Variants in ATG4B observed in about 807,000 individuals in gnomAD.
ATG4B encodes autophagy related 4B cysteine peptidase.
In ATG4B, 29 loss-of-function variants were observed where a neutral mutation model predicts 56.6. The observed-to-expected ratio is 0.51, with a 90% CI of 0.38 to 0.70. ATG4B has a LOEUF of 0.70. Ranked by LOEUF, ATG4B falls within the 30% of genes least tolerant of loss-of-function variation. ATG4B has a pLI of 0.00. For missense variants in ATG4B, 461 were observed against 515.5 expected, an observed-to-expected ratio of 0.89 and a Z score of 1.02; for synonymous variants, 224 against 206.1, an observed-to-expected ratio of 1.09 and a Z score of -0.74.
chr2:241,670,864 C>A, intron 11 of ATG4B, 82 bp downstream of exon 11: 1 of 1,402,840 alleles, frequency 7.1e-7, no homozygotes, highest in Non-Finnish European at 9.9e-7. Flanking sequence ...CGAAGGCCTG[C>A]GTCCAGGTCT....
In ATG4B at chr2:241,659,097, ACT is replaced by A. The variant is rs774369190; in HGVS notation, c.459-6_459-5del. 5 of 1,591,842 alleles carry A rather than the reference ACT, an allele frequency of 3.1e-6. No homozygotes were observed. In the Admixed American group the frequency reaches 5.1e-5, roughly 16 times the overall value. ...TACAAAAGCTTATGGTCATTCTCCT[ACT>A]CTCTGTAGGAAGCTTGCTGTCTTCG... is the stretch of plus-strand genomic sequence containing the variant. On this transcript the variant is annotated splice_polypyrimidine_tract_variant and intron_variant, in intron 6 of 12. Coordinates refer to ENST00000404914, the MANE Select transcript of ATG4B (RefSeq NM_013325.5).
intron 10 of ATG4B, among the ~76,000 whole-genome samples, chr2:241,669,722 T>C (rs963635003): frequency 3.3e-5 from 5 of 152,192 alleles, no homozygotes; most frequent in African/African-American, 1.2e-4. Context: ...TTAGCCAGGA[T>C]GGTCTTGATC....
chr2:241,656,140 C>CA (rs2068395013), intron 6 of ATG4B, among the ~76,000 whole-genome samples: 1 of 152,164 alleles, frequency 6.6e-6, no homozygotes, highest in African/African-American at 2.4e-5. Flanking sequence ...GTATCCCACT[C>CA]AAGGCCCTCA....
rs141748302 is a variant in ATG4B at position 241,643,929 on chromosome 2, A to C, written c.10+6205A>C. ...AGCTACATGAATTACCTTATAAATC[A>C]CATGATGTGGCACGGGAAGATGATG... On this transcript the variant is annotated intron_variant, in intron 1 of 12. Coordinates refer to ENST00000404914, the MANE Select transcript of ATG4B (RefSeq NM_013325.5). 2.2e-4 allele frequency among the ~76,000 whole-genome samples: 34 copies of C among 152,306 alleles called. No individual in the cohort carries two copies. In the East Asian group the frequency reaches 6.0e-3, roughly 27 times the overall value.
Position 241,668,356 on chromosome 2 carries a change from C to A in ATG4B, c.811+135C>A. ...GCATGCCCTGGGGTTCATTTTCAGC[C>A]TGGTCGCGGGCGGCCTCCTGTGTGC... On this transcript the variant is annotated intron_variant, in intron 9 of 12. Coordinates refer to ENST00000404914, the MANE Select transcript of ATG4B (RefSeq NM_013325.5). The surrounding 1 kb of genome is among the most constrained non-coding windows in gnomAD (Gnocchi z 4.2). 1 of 1,379,658 alleles carries A rather than the reference C, an allele frequency of 7.2e-7. No homozygotes were observed. Among genetic ancestry groups the A allele is most frequent in the Non-Finnish European group, 1.0e-6 (1 of 996,194 alleles). The allele number at this position is 1,379,658 out of a possible 1,614,324, so 85.5% of individuals were successfully genotyped here.
chr2:241,646,843 C>T (rs1332544640), intron 1 of ATG4B, among the ~76,000 whole-genome samples: 2 of 148,532 alleles, frequency 1.3e-5, no homozygotes, highest in African/African-American at 2.5e-5. Context: ...AATGCAGTGG[C>T]GCGATCTCAG....
intron 6 of ATG4B, 199 bp downstream of exon 6, chr2:241,655,542 T>A: frequency 1.6e-6 from 1 of 606,490 alleles, no homozygotes. Context: ...ATGAACACCG[T>A]AGTCCACATC....
chr2:241,643,703 C>A (rs953125380), intron 1 of ATG4B, among the ~76,000 whole-genome samples: 2 of 135,434 alleles, frequency 1.5e-5, no homozygotes, highest in Non-Finnish European at 3.1e-5. Flanking sequence ...TTCCCCCCCC[C>A]CCGTCGTCCA....
chr2:241,653,705 A>G (rs770946286), intron 4 of ATG4B, 95 bp downstream of exon 4: 87 of 1,064,250 alleles, frequency 8.2e-5, no homozygotes, highest in Non-Finnish European at 1.1e-4. Flanking sequence ...GACCACAGGT[A>G]AAACAGTAAG....
chr2:241,668,076 T>C lies in ATG4B; in HGVS notation c.733-67T>C. 1 of 1,499,774 alleles carries C rather than the reference T, an allele frequency of 6.7e-7. No homozygotes were observed. Among genetic ancestry groups the C allele is most frequent in the South Asian group, 1.2e-5 (1 of 82,168 alleles). 92.9% of individuals were successfully genotyped at this position (1,499,774 alleles called of 1,614,324 possible). A position where few individuals can be genotyped will look rare whatever the true frequency, so the allele number is the denominator to read the frequency against. Reference sequence around the variant, plus strand: ...CCTCAGCAGGCCCTTGGGCCCCCTATGGCAGTGGGTGGGGGGACCGTCTGC... The same window carrying C: ...CCTCAGCAGGCCCTTGGGCCCCCTACGGCAGTGGGTGGGGGGACCGTCTGC... On this transcript the variant is annotated intron_variant, in intron 8 of 12. Coordinates refer to ENST00000404914, the MANE Select transcript of ATG4B (RefSeq NM_013325.5). This position sits in a 1 kb window ranked among gnomAD's most constrained non-coding sequence, Gnocchi z 4.2.
chr2:241,671,385 A>G lies in ATG4B; in HGVS notation c.1088A>G (p.Asp363Gly), dbSNP rs2068964192. Residue 363 changes from aspartate (D) to glycine (G), a missense_variant, in exon 12 of 13, where the codon GAC becomes GGC. Transcript: ENST00000404914. ...ELQPSHLACP[D>G]VLNLSLDSSD... ...CAGCCTTCACATCTGGCCTGCCCCG[A>G]CGTCCTGAACCTGTCCCTAGGTGAG... The G allele has an allele frequency of 1.2e-6, 2 of 1,613,474 alleles. No homozygotes were observed. Among genetic ancestry groups the G allele is most frequent in the African/African-American group, 1.3e-5 (1 of 74,860 alleles).
At chr2:241,662,446 G>A (rs567773563) in intron 7 of ATG4B, among the ~76,000 whole-genome samples, 108 of 152,274 alleles carry the variant, frequency 7.1e-4, no homozygotes, top group Admixed American at 1.2e-3. Flanking sequence ...TTTTAAATGT[G>A]TTCAAAATAT....
At chr2:241,642,923 G>T (rs1294088375) in intron 1 of ATG4B, among the ~76,000 whole-genome samples, 1 of 121,422 alleles carries the variant, frequency 8.2e-6, no homozygotes, top group Non-Finnish European at 1.6e-5. Context: ...CTGTCGCCCA[G>T]ACTGGCTGGA....
In ATG4B at chr2:241,666,812, A is replaced by AACGAGGCCT; in HGVS notation, c.710_718dup (p.Glu237_Tyr239dup). ...CCTGCGCCTGGGGCTCACGGACATC[A>AACGAGGCCT]ACGAGGCCTACGTGGAGACGCTGAA... On this transcript the variant is annotated inframe_insertion, in exon 8 of 13. Transcript: ENST00000404914. 1 of 1,571,766 alleles carries AACGAGGCCT rather than the reference A, an allele frequency of 6.4e-7. No homozygotes were observed. Among genetic ancestry groups the AACGAGGCCT allele is most frequent in the Non-Finnish European group, 8.6e-7 (1 of 1,158,694 alleles).
rs910085396 is a variant in ATG4B, at chr2:241,672,489, C to T, written c.*225C>T. ...GCCCGTCAGGGCCTGTGCATCCGCA[C>T]GCGGAGCCGTCTGTTAGGAGCTTCC... On this transcript the variant is annotated 3_prime_UTR_variant, in exon 13 of 13. Transcript: ENST00000404914. 2.4e-5 allele frequency: 14 copies of T among 576,420 alleles called. No individual in the cohort carries two copies. The highest frequency in any genetic ancestry group is 6.2e-5 in the Admixed American group (2 of 32,292). 35.7% of individuals were successfully genotyped at this position (576,420 alleles called of 1,614,324 possible).
intron 10 of ATG4B, among the ~76,000 whole-genome samples, chr2:241,669,255 G>A (rs965492862): frequency 6.6e-6 from 1 of 152,180 alleles, no homozygotes; most frequent in South Asian, 2.1e-4. Context: ...ATATTTGATG[G>A]GGAAAGAGGC....
intron 1 of ATG4B, among the ~76,000 whole-genome samples, chr2:241,649,740 T>C (rs905708437): frequency 5.9e-5 from 9 of 152,280 alleles, no homozygotes; most frequent in African/African-American, 2.2e-4. Flanking sequence ...ACCCTGGGCC[T>C]CTCTAGTTTC....
At chr2:241,664,830 GAC>G (rs747025409) in intron 7 of ATG4B, among the ~76,000 whole-genome samples, 19 of 152,304 alleles carry the variant, frequency 1.2e-4, no homozygotes, top group Middle Eastern at 3.4e-3. Context: ...TGGGCGTGGT[GAC>G]ACACACCTGT....
At chr2:241,641,488 T>C (rs2067888003) in intron 1 of ATG4B, among the ~76,000 whole-genome samples, 2 of 150,048 alleles carry the variant, frequency 1.3e-5, no homozygotes, top group Admixed American at 6.7e-5. Context: ...AGGCGGAGCT[T>C]GCAGTGAGCC....
Sources: gnomAD v4.1 joint callset for allele counts (sites outside exome capture counted in the v4.1 genomes callset) on GRCh38, gnomAD v4.1.1 for gene constraint, Gnocchi (gnomAD v3.1) non-coding constraint, MANE v1.5 for transcripts, NCBI Gene and HGNC (gene_info 2026-07-23, HGNC 2026-07-21) for gene names.